Variants in KCNMA1 observed in about 807,000 individuals in gnomAD.
The protein encoded by KCNMA1 is potassium calcium-activated channel subfamily M alpha 1.
KCNMA1 carries 29 observed loss-of-function variants against 140.0 expected under a neutral mutation model. The ratio of observed to expected loss-of-function variants is 0.21; its 90% CI spans 0.15 to 0.28. KCNMA1 has a LOEUF of 0.28. Ranked by LOEUF, KCNMA1 falls within the 10% of genes least tolerant of loss-of-function variation. KCNMA1 has a pLI of 1.00. For synonymous variants in KCNMA1, 612 were observed against 611.9 expected (o/e 1.00, Z 0.00); for missense variants, 880 against 1,602.2 (o/e 0.55, Z 7.70).
At chr10:76,948,159 C>T (rs1161092049) in intron 22 of KCNMA1, among the ~76,000 whole-genome samples, 9 of 152,022 alleles carry the variant, frequency 5.9e-5, no homozygotes, top group African/African-American at 1.9e-4. Context: ...CACACGCCAC[C>T]ACATCAGGCT....
chr10:77,186,620 T>G (rs1047733394), intron 3 of KCNMA1, among the ~76,000 whole-genome samples: 2 of 152,158 alleles, frequency 1.3e-5, no homozygotes, highest in African/African-American at 4.8e-5. Flanking sequence ...TGCTTGTTTT[T>G]GTTTCAAAAA....
At chr10:77,134,770 A>G (rs2925825) in intron 5 of KCNMA1, among the ~76,000 whole-genome samples, 134,900 of 151,754 alleles carry the variant, frequency 0.89, 60,078 homozygotes, top group African/African-American at 0.95. Flanking sequence ...AGGCCAAGGC[A>G]GGTGGATCAC....
chr10:77,071,977 T>C (rs2096232536), intron 14 of KCNMA1, among the ~76,000 whole-genome samples: 1 of 152,162 alleles, frequency 6.6e-6, no homozygotes, highest in Non-Finnish European at 1.5e-5. Context: ...ATCCCTCTTA[T>C]TGCAACCTAG....
In KCNMA1 at chr10:77,336,897, T is replaced by C. The variant is rs577100713; in HGVS notation, c.540+66965A>G. Among the ~76,000 whole-genome samples, 10 of 152,326 alleles carry C rather than the reference T, an allele frequency of 6.6e-5. No homozygotes were observed. The South Asian group carries it at 1.0e-3, about 16-fold the overall frequency. The stretch of plus-strand genomic sequence containing the variant: ...AGTGTGATGGAGGGTGAATGAACCA[T>C]TGTCAAAAGCATTGTGAAGGTCAAG... On this transcript the variant is annotated intron_variant, in intron 2 of 27. Transcript: ENST00000286628.
chr10:77,167,470 TAAAATATCTTAGTTTAA>T (rs1249337753), intron 5 of KCNMA1, among the ~76,000 whole-genome samples: 5 of 152,160 alleles, frequency 3.3e-5, no homozygotes, highest in Admixed American at 6.6e-5. Context: ...ATAGTAGGGC[TAAAATATCTTAGTTTAA>T]ACTCCAAGCC....
At chr10:77,266,479 G>A (rs974222491) in intron 2 of KCNMA1, among the ~76,000 whole-genome samples, 6 of 152,126 alleles carry the variant, frequency 3.9e-5, no homozygotes, top group Non-Finnish European at 1.5e-5. Context: ...CCAGCTTGGC[G>A]CACCCTCTCC....
At chr10:77,227,960 TTTAA>T (rs1033078637) in intron 3 of KCNMA1, among the ~76,000 whole-genome samples, 6 of 101,950 alleles carry the variant, frequency 5.9e-5, no homozygotes, top group African/African-American at 2.7e-4. Flanking sequence ...AAGCATTTAA[TTTAA>T]TTTTTTTTTT....
chr10:77,101,983 T>C (rs1022401821), intron 9 of KCNMA1, among the ~76,000 whole-genome samples: 4 of 152,222 alleles, frequency 2.6e-5, no homozygotes, highest in African/African-American at 9.7e-5. Context: ...AGAAGAGGTT[T>C]CAATAAGCCC....
At chr10:77,218,369 T>C (rs2048471618) in intron 3 of KCNMA1, among the ~76,000 whole-genome samples, 1 of 152,240 alleles carries the variant, frequency 6.6e-6, no homozygotes, top group East Asian at 1.9e-4. Context: ...AAAATGGATT[T>C]GCAGAATTAC....
At chr10:77,613,067 G>C (rs2087617645) in intron 1 of KCNMA1, among the ~76,000 whole-genome samples, 1 of 152,202 alleles carries the variant, frequency 6.6e-6, no homozygotes, top group Non-Finnish European at 1.5e-5. Flanking sequence ...CTCTTGGGAT[G>C]CCTGTGTGGC....
chr10:77,035,923 G>A (rs896301428), intron 15 of KCNMA1, among the ~76,000 whole-genome samples: 3 of 152,146 alleles, frequency 2.0e-5, no homozygotes, highest in Non-Finnish European at 2.9e-5. Context: ...TGGACTGAAG[G>A]ATACAAAGTA....
intron 15 of KCNMA1, 146 bp from the exon 16 acceptor site, chr10:77,028,037 TGGAA>T: frequency 8.0e-6 from 6 of 753,248 alleles, no homozygotes; most frequent in Non-Finnish European, 1.4e-5. Flanking sequence ...AGGGAGGGGG[TGGAA>T]GCAACACCTC....
chr10:77,268,728 G>A (rs908911746), intron 2 of KCNMA1, among the ~76,000 whole-genome samples: 4 of 152,162 alleles, frequency 2.6e-5, no homozygotes, highest in African/African-American at 9.7e-5. Context: ...TGTACCTCAA[G>A]TAATAAAGCA....
intron 2 of KCNMA1, among the ~76,000 whole-genome samples, chr10:77,308,390 G>A (rs781093607): frequency 3.7e-4 from 57 of 152,148 alleles, no homozygotes; most frequent in Non-Finnish European, 6.5e-4. Context: ...TCATCTTGAG[G>A]GCAACATCCC....
intron 10 of KCNMA1, 22 bp from the exon 11 acceptor site, chr10:77,086,615 C>T (rs747962999): frequency 7.7e-6 from 12 of 1,554,754 alleles, no homozygotes; most frequent in African/African-American, 4.1e-5. Flanking sequence ...GAGAAGAAAT[C>T]GCTATTAATT....
At chr10:77,081,805 G>A (rs2096573155) in intron 12 of KCNMA1, among the ~76,000 whole-genome samples, 1 of 151,928 alleles carries the variant, frequency 6.6e-6, no homozygotes, top group African/African-American at 2.4e-5. Context: ...ATTTCAAATG[G>A]ATCTTTGACA....
chr10:76,942,049 G>A (rs1213510738), intron 23 of KCNMA1, among the ~76,000 whole-genome samples: 1 of 152,200 alleles, frequency 6.6e-6, no homozygotes, highest in Non-Finnish European at 1.5e-5. Context: ...TCGGCTCACT[G>A]TAACCTCCAC....
rs2037635485 is a variant in KCNMA1, at chr10:76,887,522, AG to A, written c.3462-8del. 11 of 1,614,206 alleles carry A rather than the reference AG, an allele frequency of 6.8e-6. No homozygotes were observed. Among genetic ancestry groups the A allele is most frequent in the Non-Finnish European group, 9.3e-6 (11 of 1,180,018 alleles). On this transcript the variant is annotated splice_polypyrimidine_tract_variant and splice_region_variant and intron_variant, in intron 27 of 27. Transcript: ENST00000286628. ...CGGGTTGGTGATGACATACCTGGAC[AG>A]GGAAAGCAGAGATGTCACCTCCTGA...
chr10:77,590,867 T>G (rs987798526), intron 1 of KCNMA1, among the ~76,000 whole-genome samples: 6 of 152,222 alleles, frequency 3.9e-5, no homozygotes, highest in Admixed American at 3.9e-4. Flanking sequence ...CCAGACACTC[T>G]AGCGAGACTC....
Sources: gnomAD v4.1 joint callset for allele counts (sites outside exome capture counted in the v4.1 genomes callset) on GRCh38, gnomAD v4.1.1 for gene constraint, MANE v1.5 for transcripts, NCBI Gene and HGNC (gene_info 2026-07-23, HGNC 2026-07-21) for gene names.